The following SLC6A11 variants were observed in gnomAD, a reference collection of about 807,000 sequenced individuals.
The protein encoded by SLC6A11 is sodium- and chloride-dependent GABA transporter 3.
In SLC6A11, 25 loss-of-function variants were observed where a neutral mutation model predicts 74.8. That is an observed-to-expected ratio of 0.33 (90% CI 0.24 to 0.47). The LOEUF (loss-of-function observed/expected upper bound fraction) is 0.47. SLC6A11 is among the 20% of genes least tolerant of loss of function. The probability of loss-of-function intolerance (pLI) is 1.00; values close to 1 mark genes in which losing one functional copy is unlikely to be tolerated. For synonymous variants in SLC6A11, 330 were observed against 330.2 expected (o/e 1.00, Z 0.01); for missense variants, 574 against 837.0 (o/e 0.69, Z 3.88).
At chr3:10,826,158 C>G (rs931324493) in intron 4 of SLC6A11, among the ~76,000 whole-genome samples, 1 of 152,204 alleles carries the variant, frequency 6.6e-6, no homozygotes, top group Admixed American at 6.5e-5. Flanking sequence ...AGCTAGTTCT[C>G]CATTTGTTTA....
At chr3:10,903,003 C>T (rs1042146736) in intron 6 of SLC6A11, among the ~76,000 whole-genome samples, 3 of 152,258 alleles carry the variant, frequency 2.0e-5, no homozygotes, top group South Asian at 2.1e-4. Context: ...AAGCACTTTC[C>T]ATCTGGTATG....
intron 5 of SLC6A11, among the ~76,000 whole-genome samples, chr3:10,851,681 C>T (rs1258414709): frequency 6.6e-6 from 1 of 152,236 alleles, no homozygotes; most frequent in African/African-American, 2.4e-5. Context: ...ATATCGTCCC[C>T]ATTTCACAGA....
intron 6 of SLC6A11, among the ~76,000 whole-genome samples, chr3:10,892,222 C>T (rs991323177): frequency 1.3e-5 from 2 of 152,264 alleles, no homozygotes; most frequent in African/African-American, 4.8e-5. Context: ...CCATTTCTCT[C>T]ACTTCTCATA....
intron 1 of SLC6A11, among the ~76,000 whole-genome samples, chr3:10,818,836 G>C (rs1194013025): frequency 1.3e-5 from 2 of 152,224 alleles, no homozygotes; most frequent in Non-Finnish European, 2.9e-5. Flanking sequence ...CTAATGCTTA[G>C]TGGTGGTCTT....
chr3:10,849,738 G>A (rs1238388557), intron 5 of SLC6A11, among the ~76,000 whole-genome samples: 2 of 127,782 alleles, frequency 1.6e-5, no homozygotes, highest in Admixed American at 1.0e-4. Flanking sequence ...AGCATGTACA[G>A]CAATATTAGG....
chr3:10,830,945 C>T (rs1382617290), intron 4 of SLC6A11, among the ~76,000 whole-genome samples: 3 of 152,150 alleles, frequency 2.0e-5, no homozygotes, highest in African/African-American at 7.2e-5. Flanking sequence ...AAGGCTCCTT[C>T]CTCCGGAGGT....
intron 7 of SLC6A11, among the ~76,000 whole-genome samples, chr3:10,914,546 C>T (rs190474847): frequency 9.2e-5 from 14 of 152,218 alleles, no homozygotes; most frequent in African/African-American, 4.8e-5. Flanking sequence ...ATCAGGCCGC[C>T]GTGAGTTCTG....
intron 2 of SLC6A11, 51 bp from the exon 3 acceptor site, chr3:10,819,661 A>G (rs1357018732): frequency 4.3e-6 from 7 of 1,610,998 alleles, no homozygotes; most frequent in South Asian, 1.1e-5. Context: ...GCAAAGGCAG[A>G]TTGTTTTGAA....
chr3:10,851,584 G>C (rs1176273371), intron 5 of SLC6A11, among the ~76,000 whole-genome samples: 2 of 152,230 alleles, frequency 1.3e-5, no homozygotes, highest in East Asian at 1.9e-4. Flanking sequence ...CAAGGCCAAG[G>C]CCTGAGTGGC....
At chr3:10,854,441 C>A (rs760398569) in intron 5 of SLC6A11, among the ~76,000 whole-genome samples, 14 of 152,184 alleles carry the variant, frequency 9.2e-5, no homozygotes, top group Non-Finnish European at 2.1e-4. Context: ...CCTCCAATCC[C>A]ACCACCATAC....
intron 6 of SLC6A11, among the ~76,000 whole-genome samples, chr3:10,878,403 C>CG (rs1694936435): frequency 1.4e-5 from 2 of 144,002 alleles, no homozygotes; most frequent in East Asian, 4.1e-4. Context: ...ATCCACTCAT[C>CG]CTTTTTTTTT....
chr3:10,905,634 AC>A (rs767571605), intron 6 of SLC6A11, among the ~76,000 whole-genome samples: 29 of 152,346 alleles, frequency 1.9e-4, no homozygotes, highest in Admixed American at 2.0e-4. Flanking sequence ...TCCTTTCTAG[AC>A]TGAGAGGCAA....
chr3:10,889,002 T>C (rs902005340), intron 6 of SLC6A11, among the ~76,000 whole-genome samples: 3 of 152,156 alleles, frequency 2.0e-5, no homozygotes, highest in African/African-American at 7.2e-5. Flanking sequence ...ATTTCCTGTT[T>C]TCTCAGACAG....
chr3:10,930,736 G>A (rs1206517896), intron 10 of SLC6A11, among the ~76,000 whole-genome samples: 6 of 152,120 alleles, frequency 3.9e-5, no homozygotes, highest in African/African-American at 1.4e-4. Context: ...AGGTGGTGGA[G>A]GGTGCTTCTT....
At chr3:10,903,931 C>T (rs1048034022) in intron 6 of SLC6A11, among the ~76,000 whole-genome samples, 5 of 152,218 alleles carry the variant, frequency 3.3e-5, no homozygotes, top group African/African-American at 9.6e-5. Flanking sequence ...CTTTCTCCCC[C>T]AAACATCTAA....
intron 8 of SLC6A11, among the ~76,000 whole-genome samples, chr3:10,923,765 AAG>A (rs1339302675): frequency 6.6e-6 from 1 of 152,194 alleles, no homozygotes; most frequent in Admixed American, 6.5e-5. Flanking sequence ...CAAAGAGAAA[AAG>A]AGTAATGTTA....
At chr3:10,916,034 C>A (rs558402501) in intron 7 of SLC6A11, among the ~76,000 whole-genome samples, 27 of 152,290 alleles carry the variant, frequency 1.8e-4, no homozygotes, top group African/African-American at 6.5e-4. Context: ...GTCCTGAAAG[C>A]ATCACGTGGG....
chr3:10,887,526 A>G (rs898833402), intron 6 of SLC6A11, among the ~76,000 whole-genome samples: 5 of 152,038 alleles, frequency 3.3e-5, no homozygotes, highest in African/African-American at 1.2e-4. Context: ...GCTCACTGCA[A>G]CCTCTGTCTC....
At chr3:10,841,973 T>A (rs544420835) in intron 4 of SLC6A11, among the ~76,000 whole-genome samples, 1 of 152,302 alleles carries the variant, frequency 6.6e-6, no homozygotes, top group African/African-American at 2.4e-5. Context: ...CAGCCCAGAT[T>A]CCTTCCAGCT....
Sources: allele counts gnomAD v4.1 joint callset (sites outside exome capture counted in the v4.1 genomes callset), GRCh38; gene constraint gnomAD v4.1.1; transcripts MANE v1.5; gene names NCBI Gene and HGNC (gene_info 2026-07-23, HGNC 2026-07-21).